The following MESP1 variants were observed in gnomAD, a reference collection of about 807,000 sequenced individuals.
The protein encoded by MESP1 is mesoderm posterior protein 1.
Under a neutral mutation model 15.2 loss-of-function variants are expected in MESP1, and 22 were observed. That is an observed-to-expected ratio of 1.45 (90% CI 1.04 to 2.07). MESP1 has a LOEUF of 2.07. Ranked by LOEUF, MESP1 falls within the 30% of genes most tolerant of loss-of-function variation. MESP1 has a pLI of 0.00. For missense variants in MESP1, 484 were observed against 411.9 expected (o/e 1.17, Z -1.51); for synonymous variants, 216 against 192.6 (o/e 1.12, Z -1.01).
At chr15:89,733,368 C>T in the MESP1 span, 1 of 735,112 alleles carries the variant, frequency 1.4e-6, no homozygotes, top group Non-Finnish European at 2.2e-6. Context: ...TCACCAATGT[C>T]ACATATATGT....
Position 89,749,996 on chromosome 15 carries a change from C to T in MESP1, c.*148G>A, listed in dbSNP as rs2141754027. The T allele has an allele frequency of 1.3e-6, 1 of 752,430 alleles. No individual in the cohort carries two copies. The highest frequency in any genetic ancestry group is 1.6e-5 in the South Asian group (1 of 63,210). The allele number at this position is 752,430 out of a possible 1,614,324, so 46.6% of individuals were successfully genotyped here. A position where few individuals can be genotyped will look rare whatever the true frequency, so the allele number is the denominator to read the frequency against. ...AGGGAGGGGCTGAGAAGGGCCGCCGCGGTGGGGACGGCTCTCACCCGCAGG... is the reference window on the plus strand; with the variant it reads ...AGGGAGGGGCTGAGAAGGGCCGCCGTGGTGGGGACGGCTCTCACCCGCAGG... On this transcript the variant is annotated 3_prime_UTR_variant, in exon 2 of 2. Transcript: ENST00000300057.
the MESP1 span, among the ~76,000 whole-genome samples, chr15:89,733,780 C>T: frequency 6.6e-6 from 1 of 152,280 alleles, no homozygotes; most frequent in African/African-American, 2.4e-5. Context: ...GCCTCCAGAA[C>T]TGTAAGAAAT....
At chr15:89,737,085 C>G in the MESP1 span, among the ~76,000 whole-genome samples, 2 of 152,182 alleles carry the variant, frequency 1.3e-5, no homozygotes, top group African/African-American at 4.8e-5. Context: ...GCCATCGCGC[C>G]CGGCCAAAGG....
the MESP1 span, chr15:89,743,400 C>T: frequency 1.9e-6 from 3 of 1,613,964 alleles, no homozygotes; most frequent in African/African-American, 4.0e-5. Context: ...GAGGCTGCCA[C>T]CGCCCTGGGA....
the MESP1 span, among the ~76,000 whole-genome samples, chr15:89,736,355 A>AC: frequency 6.6e-5 from 10 of 152,054 alleles, no homozygotes; most frequent in South Asian, 2.1e-3. Context: ...GGCCTACAGG[A>AC]CCCCCAGGGG....
chr15:89,743,506 C>CG, the MESP1 span: 1 of 984,304 alleles, frequency 1.0e-6, no homozygotes. Flanking sequence ...GGCCTGCACT[C>CG]GGAGTCTGGG....
chr15:89,733,238 G>GCCA, the MESP1 span: 1 of 1,605,086 alleles, frequency 6.2e-7, no homozygotes, highest in Non-Finnish European at 8.5e-7. Flanking sequence ...CTTGAGGGTG[G>GCCA]GACGGGGTAA....
chr15:89,737,828 T>C, the MESP1 span: 1 of 1,531,870 alleles, frequency 6.5e-7, no homozygotes, highest in Non-Finnish European at 8.9e-7. Flanking sequence ...CCACTCTGTG[T>C]CCCCCTCTAC....
At chr15:89,737,996 G>C in the MESP1 span, 1 of 1,554,920 alleles carries the variant, frequency 6.4e-7, no homozygotes. Context: ...AGCCCACTGA[G>C]AAAGCGATTG....
rs757440055 is a variant in MESP1 at position 89,750,525 on chromosome 15, G to A, written c.707C>T (p.Pro236Leu). ...GACACTAACCGGGGACGGTGGGCTT[G>A]GCTCCATCGCCTGCCCTTCAGGGCA... ...AACPEGQAMEPSPPSPLLPGD... is the reference protein window; with the variant it reads ...AACPEGQAMELSPPSPLLPGD... The change falls in exon 1 of 2, where the codon CCA (proline) becomes CTA (leucine). Residue 236 changes from proline to leucine, a missense_variant. By Grantham distance (98) the Pro-to-Leu change is moderately conservative. Coordinates refer to ENST00000300057, the MANE Select transcript of MESP1 (RefSeq NM_018670.4). 1.3e-6 allele frequency: 2 copies of A among 1,500,732 alleles called. No homozygotes were observed. Among genetic ancestry groups the A allele is most frequent in the Non-Finnish European group, 1.8e-6 (2 of 1,132,846 alleles). 93.0% of individuals were successfully genotyped at this position (1,500,732 alleles called of 1,614,324 possible).
chr15:89,743,406 T>C, the MESP1 span: 1 of 1,613,656 alleles, frequency 6.2e-7, no homozygotes, highest in East Asian at 2.2e-5. Context: ...GCCACCGCCC[T>C]GGGATCTCTG....
chr15:89,732,630 C>T, the MESP1 span, among the ~76,000 whole-genome samples: 1 of 151,940 alleles, frequency 6.6e-6, no homozygotes, highest in African/African-American at 2.4e-5. Flanking sequence ...CACACACACA[C>T]ACACACACAC....
Position 89,751,065 on chromosome 15 carries a change from G to GTGGGGCTCGGCA in MESP1, c.166_167insTGCCGAGCCCCA (p.Ala56delinsValProSerProThr). 11 of 1,239,366 alleles carry GTGGGGCTCGGCA rather than the reference G, an allele frequency of 8.9e-6. No homozygotes were observed. The South Asian group carries it at 1.9e-4, about 21-fold the overall frequency. The allele number at this position is 1,239,366 out of a possible 1,614,324, so 76.8% of individuals were successfully genotyped here. A position where few individuals can be genotyped will look rare whatever the true frequency, so the allele number is the denominator to read the frequency against. ...GGGGTCCCGGAGGGTGCCTGGCCGC[G>GTGGGGCTCGGCA]CGGGGCTCGCCACGGGGCTGTCGGC... On this transcript the variant is annotated protein_altering_variant, in exon 1 of 2. Coordinates refer to ENST00000300057, the MANE Select transcript of MESP1 (RefSeq NM_018670.4).
the MESP1 span, chr15:89,732,944 T>C: frequency 6.7e-7 from 1 of 1,502,626 alleles, no homozygotes; most frequent in Non-Finnish European, 9.3e-7. Flanking sequence ...TCACAGCCCC[T>C]GTGCCCATGG....
At chr15:89,736,292 C>G in the MESP1 span, among the ~76,000 whole-genome samples, 2 of 152,180 alleles carry the variant, frequency 1.3e-5, no homozygotes, top group Non-Finnish European at 2.9e-5. Flanking sequence ...GGGCCCACTT[C>G]AGGCCTGGAG....
the MESP1 span, among the ~76,000 whole-genome samples, chr15:89,742,175 C>A: frequency 1.3e-5 from 2 of 152,098 alleles, no homozygotes. Flanking sequence ...TCACTTGACG[C>A]CAGGAGTTCA....
the MESP1 span, among the ~76,000 whole-genome samples, chr15:89,741,544 A>G: frequency 6.6e-6 from 1 of 152,190 alleles, no homozygotes; most frequent in African/African-American, 2.4e-5. Flanking sequence ...AAACCATTAC[A>G]GATACAGGGA....
At chr15:89,747,901 G>C (rs1461072509), downstream of MESP1, among the ~76,000 whole-genome samples, 1 of 152,196 alleles carries the variant, frequency 6.6e-6, no homozygotes, top group Non-Finnish European at 1.5e-5. Context: ...AGGCACACAG[G>C]GTTTCCTCCG....
At chr15:89,735,836 T>A in the MESP1 span, among the ~76,000 whole-genome samples, 2 of 152,170 alleles carry the variant, frequency 1.3e-5, no homozygotes, top group Admixed American at 1.3e-4. Flanking sequence ...GTCACCTAAC[T>A]CAACCTGCAG....
Sources: allele counts gnomAD v4.1 joint callset (sites outside exome capture counted in the v4.1 genomes callset), GRCh38; gene constraint gnomAD v4.1.1; transcripts MANE v1.5; gene names NCBI Gene and HGNC (gene_info 2026-07-23, HGNC 2026-07-21).